RNLS: variants seen among roughly 807,000 people sequenced by gnomAD.
The protein encoded by RNLS is renalase.
RNLS carries 39 observed loss-of-function variants against 39.8 expected under a neutral mutation model. The observed-to-expected ratio is 0.98, with a 90% CI of 0.76 to 1.28. The LOEUF (loss-of-function observed/expected upper bound fraction) is 1.28. RNLS is among the 50% of genes most tolerant of loss of function. RNLS has a pLI of 0.00. For missense variants in RNLS, 410 were observed against 413.3 expected, an observed-to-expected ratio of 0.99 and a Z score of 0.07; for synonymous variants, 147 against 150.7, an observed-to-expected ratio of 0.98 and a Z score of 0.18.
intron 4 of RNLS, among the ~76,000 whole-genome samples, chr10:88,420,601 T>C (rs1854346811): frequency 6.6e-6 from 1 of 152,206 alleles, no homozygotes; most frequent in South Asian, 2.1e-4. Context: ...TCTGCGTATC[T>C]CTTAGGAGGA....
At chr10:88,390,125 A>G in intron 4 of RNLS, among the ~76,000 whole-genome samples, 1 of 152,264 alleles carries the variant, frequency 6.6e-6, no homozygotes. Flanking sequence ...TGATAAAATC[A>G]TCAAAATGGT....
rs186083390 is a variant in RNLS at position 88,494,933 on chromosome 10, T to C, written c.526+77970A>G. ...AGGAGAATAAGTAACAACATTCAACTACTGCCACTTCCTTCCTATGTCTGA... is the reference window on the plus strand; with the variant it reads ...AGGAGAATAAGTAACAACATTCAACCACTGCCACTTCCTTCCTATGTCTGA... On this transcript the variant is annotated intron_variant, in intron 4 of 6. Transcript: ENST00000331772. Among the ~76,000 whole-genome samples the C allele has an allele frequency of 6.6e-4, 100 of 152,308 alleles. 1 individual carries two copies. In the South Asian group the frequency reaches 6.8e-3, roughly 10 times the overall value.
Position 88,362,619 on chromosome 10 carries a change from A to T in RNLS, c.633T>A (p.Ala211=). 1 of 1,613,988 alleles carries T rather than the reference A, an allele frequency of 6.2e-7. No homozygotes were observed. Among genetic ancestry groups the T allele is most frequent in the Non-Finnish European group, 8.5e-7 (1 of 1,179,912 alleles). Residue 211 remains alanine (A), a synonymous_variant, in exon 5 of 7, where the codon GCT becomes GCA. Coordinates refer to ENST00000331772, the MANE Select transcript of RNLS (RefSeq NM_001031709.3). The part of the protein sequence containing the change: ...EAGTKIDVPW[A]GQYITSNPCI... ...AGGGATTACTGGTGATGTACTGCCCAGCCCAAGGGACATCAATCTTCGTAC... is the reference window on the plus strand; with the variant it reads ...AGGGATTACTGGTGATGTACTGCCCTGCCCAAGGGACATCAATCTTCGTAC...
intron 4 of RNLS, among the ~76,000 whole-genome samples, chr10:88,429,272 C>G (rs956214548): frequency 2.6e-5 from 4 of 151,910 alleles, no homozygotes; most frequent in Non-Finnish European, 5.9e-5. Context: ...ACAACATCCT[C>G]TTTACAAAGC....
At chr10:88,189,903 G>C in the RNLS span, among the ~76,000 whole-genome samples, 1 of 152,174 alleles carries the variant, frequency 6.6e-6, no homozygotes, top group African/African-American at 2.4e-5. Context: ...CTTAATCAAG[G>C]GTGGCCAGCA....
chr10:88,581,315 T>TATATATATATATAC (rs1318796903), intron 3 of RNLS, among the ~76,000 whole-genome samples: 7 of 147,600 alleles, frequency 4.7e-5, no homozygotes, highest in South Asian at 2.1e-4. Context: ...TATATATATA[T>TATATATATATATAC]ACATCTATAA....
At chr10:88,555,458 G>A (rs1848815763) in intron 4 of RNLS, among the ~76,000 whole-genome samples, 1 of 152,056 alleles carries the variant, frequency 6.6e-6, no homozygotes, top group Non-Finnish European at 1.5e-5. Context: ...TCACATGACA[G>A]CTGGTTGTTT....
intron 4 of RNLS, among the ~76,000 whole-genome samples, chr10:88,532,868 ATTAAC>A (rs1021130476): frequency 7.2e-5 from 11 of 152,064 alleles, no homozygotes; most frequent in Middle Eastern, 3.2e-3. Context: ...AGAAAAACCA[ATTAAC>A]TTAAGAAGGG....
At chr10:88,208,492 G>T in the RNLS span, among the ~76,000 whole-genome samples, 1 of 152,132 alleles carries the variant, frequency 6.6e-6, no homozygotes, top group Non-Finnish European at 1.5e-5. Flanking sequence ...AGCCACTGTA[G>T]TTACAATAAT....
chr10:88,330,287 T>C (rs1361858343), intron 5 of RNLS, among the ~76,000 whole-genome samples: 1 of 151,964 alleles, frequency 6.6e-6, no homozygotes, highest in Non-Finnish European at 1.5e-5. Flanking sequence ...AAACGTGCTT[T>C]GGTTTCTGCC....
At chr10:88,435,801 C>A (rs1245747100) in intron 4 of RNLS, among the ~76,000 whole-genome samples, 1 of 152,074 alleles carries the variant, frequency 6.6e-6, no homozygotes, top group East Asian at 1.9e-4. Flanking sequence ...CCAGTGGCTA[C>A]CATGTGGAAA....
intron 5 of RNLS, among the ~76,000 whole-genome samples, chr10:88,315,710 G>C (rs778555058): frequency 2.0e-5 from 3 of 148,754 alleles, no homozygotes; most frequent in Non-Finnish European, 4.4e-5. Flanking sequence ...TACTCACTAT[G>C]TGCCCGCTTA....
At chr10:88,397,455 C>T (rs890371957) in intron 4 of RNLS, among the ~76,000 whole-genome samples, 28 of 151,852 alleles carry the variant, frequency 1.8e-4, no homozygotes, top group African/African-American at 6.8e-4. Flanking sequence ...CCAAGCCTTA[C>T]TGGATGTAGG....
chr10:88,468,891 A>G (rs902700004), intron 4 of RNLS, among the ~76,000 whole-genome samples: 6 of 152,222 alleles, frequency 3.9e-5, no homozygotes, highest in Non-Finnish European at 7.3e-5. Context: ...TTTTTTTAAC[A>G]TAGCATAAAC....
At chr10:88,321,627 A>G (rs139277126) in intron 5 of RNLS, among the ~76,000 whole-genome samples, 1 of 152,314 alleles carries the variant, frequency 6.6e-6, no homozygotes, top group African/African-American at 2.4e-5. Context: ...TACAACTGAT[A>G]CTGCATAAAT....
chr10:88,474,456 T>A (rs1843698286), intron 4 of RNLS, among the ~76,000 whole-genome samples: 1 of 152,152 alleles, frequency 6.6e-6, no homozygotes. Context: ...CATTCCCACC[T>A]CCAGTATTCC....
At chr10:88,175,862 G>T in the RNLS span, among the ~76,000 whole-genome samples, 2 of 152,020 alleles carry the variant, frequency 1.3e-5, no homozygotes, top group African/African-American at 4.8e-5. Flanking sequence ...CTATTGTATT[G>T]GAGTCTATTT....
chr10:88,580,814 C>G (rs1850492564), intron 3 of RNLS, among the ~76,000 whole-genome samples: 1 of 152,128 alleles, frequency 6.6e-6, no homozygotes. Flanking sequence ...ACCTATTACA[C>G]TGGCAAAAAT....
intron 4 of RNLS, among the ~76,000 whole-genome samples, chr10:88,559,033 T>C (rs1849022422): frequency 6.6e-6 from 1 of 152,158 alleles, no homozygotes; most frequent in African/African-American, 2.4e-5. Context: ...TTAATAAAAC[T>C]CTTTTCAGCA....
Sources: gnomAD v4.1 joint callset for allele counts (sites outside exome capture counted in the v4.1 genomes callset) on GRCh38, gnomAD v4.1.1 for gene constraint, MANE v1.5 for transcripts, NCBI Gene and HGNC (gene_info 2026-07-23, HGNC 2026-07-21) for gene names.